COG1: variants seen among roughly 807,000 people sequenced by gnomAD.
COG1 encodes the protein component of oligomeric golgi complex 1.
Under a neutral mutation model 102.2 loss-of-function variants are expected in COG1, and 61 were observed. That is an observed-to-expected ratio of 0.60 (90% confidence interval 0.49 to 0.74). The LOEUF is 0.74. Ranked by LOEUF, COG1 falls within the 30% of genes least tolerant of loss-of-function variation. The pLI is 0.00. For missense variants in COG1, 1,164 were observed against 1,232.1 expected (o/e 0.94, Z 0.83); for synonymous variants, 454 against 493.6 (o/e 0.92, Z 1.06).
At position 73,203,735 on chromosome 17, in the gene COG1, G is replaced by A; in HGVS notation, c.2324G>A (p.Ser775Asn). ...PKVTLQEMLK[S>N]CMVQVVAAYE... ...GTGACATTACAGGAGATGCTGAAAAGCTGTATGGTTCAAGTAGTAGCTGCC... is the reference window on the plus strand; with the variant it reads ...GTGACATTACAGGAGATGCTGAAAAACTGTATGGTTCAAGTAGTAGCTGCC... The change falls in exon 9 of 14, where the codon AGC (serine) becomes AAC (asparagine). Residue 775 changes from serine (S) to asparagine (N), a missense_variant. Physicochemically the swap from Ser to Asn is conservative, Grantham distance 46. Coordinates refer to ENST00000299886, the MANE Select transcript of COG1 (RefSeq NM_018714.3). 1 of 1,614,234 alleles carries A rather than the reference G, an allele frequency of 6.2e-7. No homozygotes were observed. The highest frequency in any genetic ancestry group is 8.5e-7 in the Non-Finnish European group (1 of 1,180,046).
chr17:73,206,704 C>A lies in COG1; in HGVS notation c.2620-4C>A. The A allele has an allele frequency of 6.2e-7, 1 of 1,603,178 alleles. No homozygotes were observed. The highest frequency in any genetic ancestry group is 8.5e-7 in the Non-Finnish European group (1 of 1,172,242). Reference sequence around the variant, plus strand: ...AAACCTCTGCTCCACCTCTTGTCTGCCAGGTTCTGTTTGGATTGGTGACTG... The same window carrying A: ...AAACCTCTGCTCCACCTCTTGTCTGACAGGTTCTGTTTGGATTGGTGACTG... On this transcript the variant is annotated splice_polypyrimidine_tract_variant and splice_region_variant and intron_variant, in intron 11 of 13. Transcript: ENST00000299886.
chr17:73,207,963 A>C, intron 13 of COG1: 1 of 1,236,690 alleles, frequency 8.1e-7, no homozygotes, highest in South Asian at 1.6e-5. Context: ...TGCAAAAACC[A>C]TCCAGTCCCT....
At position 73,206,835 on chromosome 17, in the gene COG1, G is replaced by T. The variant is rs766601452; in HGVS notation, c.2729+18G>T. 1 of 1,581,108 alleles carries T rather than the reference G, an allele frequency of 6.3e-7. No homozygotes were observed. Among genetic ancestry groups the T allele is most frequent in the Non-Finnish European group, 8.7e-7 (1 of 1,150,340 alleles). On this transcript the variant is annotated intron_variant, in intron 12 of 13. Transcript: ENST00000299886. The stretch of plus-strand genomic sequence containing the variant: ...CAGATCAGGTAAAGGCTGCCAAGAG[G>T]CTTCTGCGGGGCACTTCGGGAGGCC...
chr17:73,204,648 C>T (rs1380326778), intron 9 of COG1, among the ~76,000 whole-genome samples: 2 of 151,518 alleles, frequency 1.3e-5, no homozygotes, highest in Non-Finnish European at 2.9e-5. Context: ...CAACCTCAAC[C>T]TCCCAGGCTC....
chr17:73,202,868 A>G (rs2061352782), intron 7 of COG1, 132 bp from the exon 8 acceptor site: 10 of 974,958 alleles, frequency 1.0e-5, no homozygotes, highest in Non-Finnish European at 1.5e-5. Flanking sequence ...AATTAGCCAA[A>G]AGAGGACTGA....
intron 1 of COG1, among the ~76,000 whole-genome samples, chr17:73,195,839 G>T (rs1011720983): frequency 2.6e-5 from 4 of 152,168 alleles, no homozygotes; most frequent in Non-Finnish European, 4.4e-5. Flanking sequence ...CTGGAACCCG[G>T]GATGTTTGAT....
chr17:73,205,328 T>C (rs1471047323), intron 9 of COG1: 1 of 543,178 alleles, frequency 1.8e-6, no homozygotes, highest in Non-Finnish European at 3.3e-6. Flanking sequence ...TCTGAGGCCT[T>C]TTTTAAGGGC....
chr17:73,204,709 C>T (rs1372993339), intron 9 of COG1, among the ~76,000 whole-genome samples: 5 of 152,012 alleles, frequency 3.3e-5, no homozygotes, highest in East Asian at 3.9e-4. Flanking sequence ...ACAAGGCATG[C>T]GCCAGCACAC....
In COG1 at chr17:73,200,623, GA is replaced by G. The variant is rs2145097019; in HGVS notation, c.1130del (p.Lys377ArgfsTer41). The G allele has an allele frequency of 6.2e-7, 1 of 1,614,196 alleles. No individual in the cohort carries two copies. The highest frequency in any genetic ancestry group is 8.5e-7 in the Non-Finnish European group (1 of 1,180,044). ...ACCTGCTCATGTACGTGAAGAGCAT[GA>G]AGGGTCTCGCGGGAATCCGGGACGC... ...TNLLMYVKSM[K>X]GLAGIRDAMW... On this transcript the variant is annotated frameshift_variant, in exon 6 of 14. Coordinates refer to ENST00000299886, the MANE Select transcript of COG1 (RefSeq NM_018714.3). LOFTEE classifies it high-confidence loss of function.
rs2061352829 is a variant in COG1, at chr17:73,202,889, G to C, written c.2074-111G>C. 7 of 1,172,984 alleles carry C rather than the reference G, an allele frequency of 6.0e-6. No individual in the cohort carries two copies. In the Admixed American group the frequency reaches 1.2e-4, roughly 20 times the overall value. 72.7% of individuals were successfully genotyped at this position (1,172,984 alleles called of 1,614,324 possible). On this transcript the variant is annotated intron_variant, in intron 7 of 13. Transcript: ENST00000299886. ...CCAAAAGAGGACTGATACCATCACTGTACCTACAACTTCAGCAGCTTGAGC... is the reference window on the plus strand; with the variant it reads ...CCAAAAGAGGACTGATACCATCACTCTACCTACAACTTCAGCAGCTTGAGC...
Position 73,206,817 on chromosome 17 carries a change from G to A in COG1, c.2729G>A (p.Arg910Lys). The change falls in exon 12 of 14, where the codon AGG becomes AAG. Residue 910 changes from arginine to lysine, a missense_variant and splice_region_variant. Coordinates refer to ENST00000299886, the MANE Select transcript of COG1 (RefSeq NM_018714.3). ...CTGCCACTGGCATCCAGTCAGATCA[G>A]GTAAAGGCTGCCAAGAGGCTTCTGC... ...NILPLASSQI[R>K]FGLLPLSMTS... is the part of the protein sequence containing the mutation. The A allele has an allele frequency of 6.2e-7, 1 of 1,611,560 alleles. No individual in the cohort carries two copies. The highest frequency in any genetic ancestry group is 8.5e-7 in the Non-Finnish European group (1 of 1,177,878).
At chr17:73,196,349 C>A in intron 1 of COG1, 158 bp from the exon 2 acceptor site, 1 of 1,098,752 alleles carries the variant, frequency 9.1e-7, no homozygotes, top group Non-Finnish European at 1.4e-6. Context: ...TCTGGCAACT[C>A]TTCTACACTG....
Position 73,193,339 on chromosome 17 carries a change from C to T in COG1, c.270C>T (p.Leu90=). The T allele has an allele frequency of 1.3e-6, 2 of 1,526,882 alleles. No individual in the cohort carries two copies. Among genetic ancestry groups the T allele is most frequent in the South Asian group, 1.2e-5 (1 of 82,016 alleles). The allele number at this position is 1,526,882 out of a possible 1,614,324, so 94.6% of individuals were successfully genotyped here. A position where few individuals can be genotyped will look rare whatever the true frequency, so the allele number is the denominator to read the frequency against. The change falls in exon 1 of 14, where the codon CTC becomes CTT. Residue 90 remains leucine (L), a synonymous_variant. Transcript: ENST00000299886. The part of the protein sequence containing the change: ...VKATDQYCAR[L]RQAGSAAPRP... ...CCACCGACCAGTACTGCGCCCGCCTCCGCCAGGCCGGCTCGGCCGCGCCCC... is the reference window on the plus strand; with the variant it reads ...CCACCGACCAGTACTGCGCCCGCCTTCGCCAGGCCGGCTCGGCCGCGCCCC...
chr17:73,195,751 GAAAATACA>G (rs2061322855), intron 1 of COG1, among the ~76,000 whole-genome samples: 1 of 152,070 alleles, frequency 6.6e-6, no homozygotes, highest in African/African-American at 2.4e-5. Flanking sequence ...TGTCTCTACT[GAAAATACA>G]AAAATTAGCC....
chr17:73,200,107 T>C (rs780516781), intron 5 of COG1, 86 bp downstream of exon 5: 29 of 1,481,184 alleles, frequency 2.0e-5, no homozygotes, highest in African/African-American at 1.1e-4. Flanking sequence ...CAGCGAGGCA[T>C]GTGCAGAAAG....
chr17:73,193,427 C>T, intron 1 of COG1, 43 bp downstream of exon 1: 2 of 1,385,336 alleles, frequency 1.4e-6, no homozygotes, highest in Admixed American at 3.6e-5. Context: ...AGGCGGGTCC[C>T]GGAGCCCCTG....
intron 13 of COG1, 163 bp from the exon 14 acceptor site, chr17:73,208,151 T>C (rs1321063610): frequency 2.0e-6 from 3 of 1,517,910 alleles, no homozygotes; most frequent in Non-Finnish European, 2.6e-6. Flanking sequence ...TTCCGTGTCC[T>C]CTTCAAATCT....
chr17:73,199,003 G>A (rs12949912), intron 4 of COG1, among the ~76,000 whole-genome samples: 37,583 of 152,052 alleles, frequency 0.25, 5,443 homozygotes, highest in Admixed American at 0.31. Flanking sequence ...CTTACATTTA[G>A]TACCTCATCC....
rs1233933398 is a variant in COG1 at position 73,193,377 on chromosome 17, C to T, written c.308C>T (p.Ala103Val). The T allele has an allele frequency of 3.4e-6, 5 of 1,482,034 alleles. No homozygotes were observed. The Admixed American group carries it at 9.4e-5, about 28-fold the overall frequency. The allele number at this position is 1,482,034 out of a possible 1,614,324, so 91.8% of individuals were successfully genotyped here. A position where few individuals can be genotyped will look rare whatever the true frequency, so the allele number is the denominator to read the frequency against. Residue 103 changes from alanine (A) to valine (V), a missense_variant, in exon 1 of 14, where the codon GCC becomes GTC. Physicochemically the swap from Ala to Val is moderately conservative, Grantham distance 64 (BLOSUM62 0). Transcript: ENST00000299886. ...AGSAAPRPPRAQQPQQPSQEK... is the reference protein window; with the variant it reads ...AGSAAPRPPRVQQPQQPSQEK... ...TCGGCCGCGCCCCGGCCACCGCGGG[C>T]CCAGCAGGTCAGTCCCCGTGCCCCC...
Sources: allele counts gnomAD v4.1 joint callset (sites outside exome capture counted in the v4.1 genomes callset), GRCh38; gene constraint gnomAD v4.1.1; transcripts MANE v1.5; gene names NCBI Gene and HGNC (gene_info 2026-07-23, HGNC 2026-07-21).